The following SLC4A7 variants were observed in gnomAD, a reference collection of about 807,000 sequenced individuals.
SLC4A7 encodes the protein sodium bicarbonate cotransporter 3.
Under a neutral mutation model 137.6 loss-of-function variants are expected in SLC4A7, and 51 were observed. The ratio of observed to expected loss-of-function variants is 0.37; its 90% CI spans 0.30 to 0.47. SLC4A7 has a LOEUF of 0.47. Ranked by LOEUF, SLC4A7 falls within the 20% of genes least tolerant of loss-of-function variation. The pLI, the probability that SLC4A7 is intolerant of heterozygous loss-of-function variation, is 1.00. For synonymous variants in SLC4A7, 542 were observed against 518.6 expected, an observed-to-expected ratio of 1.05 and a Z score of -0.61; for missense variants, 1,247 against 1,525.4, an observed-to-expected ratio of 0.82 and a Z score of 3.04.
At chr3:27,414,520 A>G (rs558711969) in intron 11 of SLC4A7, among the ~76,000 whole-genome samples, 12 of 152,086 alleles carry the variant, frequency 7.9e-5, no homozygotes, top group African/African-American at 2.7e-4. Context: ...ATGGAAATAC[A>G]TCATAATTTC....
intron 1 of SLC4A7, among the ~76,000 whole-genome samples, chr3:27,453,568 G>A (rs937370626): frequency 2.6e-5 from 4 of 152,192 alleles, no homozygotes; most frequent in Admixed American, 1.3e-4. Context: ...AGCCAAGATC[G>A]TGCCATTGCA....
At position 27,483,743 on chromosome 3, in the gene SLC4A7, T is replaced by C. The variant is rs1411868609; in HGVS notation, c.60+324A>G. Among the ~76,000 whole-genome samples, 8 of 152,070 alleles carry C rather than the reference T, an allele frequency of 5.3e-5. No homozygotes were observed. In the East Asian group the frequency reaches 1.6e-3, roughly 30 times the overall value. Reference sequence around the variant, plus strand: ...GCTAAGAAACAGGGGAGGCGAGCGCTGAGGGAAGGGATGGATGGTCGGGGT... The same window carrying C: ...GCTAAGAAACAGGGGAGGCGAGCGCCGAGGGAAGGGATGGATGGTCGGGGT... On this transcript the variant is annotated intron_variant, in intron 1 of 25. Coordinates refer to ENST00000454389, the MANE Select transcript of SLC4A7 (RefSeq NM_001321103.2).
chr3:27,375,743 A>G lies in SLC4A7; in HGVS notation c.*1021T>C, dbSNP rs1008496643. On this transcript the variant is annotated 3_prime_UTR_variant, in exon 26 of 26. Transcript: ENST00000454389. ...TTTTAAAATAAAATCACAGGTAACAAGCTATTAAATGTAATCTACAAAAGT... is the reference window on the plus strand; with the variant it reads ...TTTTAAAATAAAATCACAGGTAACAGGCTATTAAATGTAATCTACAAAAGT... The G allele has an allele frequency of 3.9e-5, 6 of 152,408 alleles. No homozygotes were observed. The highest frequency in any genetic ancestry group is 1.9e-4 in the East Asian group (1 of 5,204). The allele number at this position is 152,408 out of a possible 1,614,324, so 9.4% of individuals were successfully genotyped here. A position where few individuals can be genotyped will look rare whatever the true frequency, so the allele number is the denominator to read the frequency against.
intron 6 of SLC4A7, 66 bp downstream of exon 6, chr3:27,433,850 G>T: frequency 7.5e-7 from 1 of 1,340,200 alleles, no homozygotes; most frequent in Non-Finnish European, 1.1e-6. Flanking sequence ...AATGTTAATC[G>T]TAACATACTG....
intron 21 of SLC4A7, 70 bp from the exon 22 acceptor site, chr3:27,390,174 C>A: frequency 1.1e-6 from 1 of 894,890 alleles, no homozygotes; most frequent in Admixed American, 2.4e-5. Context: ...AGAATCTATA[C>A]TCAACTTTAG....
chr3:27,430,271 G>A (rs1222480914), intron 7 of SLC4A7, among the ~76,000 whole-genome samples: 1 of 151,620 alleles, frequency 6.6e-6, no homozygotes, highest in East Asian at 1.9e-4. Context: ...TTATTTGTAT[G>A]TGTTCATTCA....
intron 1 of SLC4A7, among the ~76,000 whole-genome samples, chr3:27,475,322 T>C (rs1431586551): frequency 2.7e-5 from 4 of 150,934 alleles, no homozygotes; most frequent in African/African-American, 9.8e-5. Context: ...CACAGTATTC[T>C]ACCTGATCCT....
At position 27,383,083 on chromosome 3, in the gene SLC4A7, A is replaced by G. The variant is rs575402384; in HGVS notation, c.3590+70T>C. The G allele has an allele frequency of 2.7e-5, 24 of 880,122 alleles. No individual in the cohort carries two copies. In the African/African-American group the frequency reaches 3.7e-4, roughly 14 times the overall value. 54.5% of individuals were successfully genotyped at this position (880,122 alleles called of 1,614,324 possible). A position where few individuals can be genotyped will look rare whatever the true frequency, so the allele number is the denominator to read the frequency against. On this transcript the variant is annotated intron_variant, in intron 24 of 25. Transcript: ENST00000454389. ...TAAAATAGAAATCATCACTTTAAAG[A>G]AGCATTATATGACTTATTAATACAT...
intron 2 of SLC4A7, among the ~76,000 whole-genome samples, chr3:27,449,386 T>C (rs950396160): frequency 1.3e-5 from 2 of 149,304 alleles, no homozygotes; most frequent in Non-Finnish European, 3.0e-5. Context: ...ACAATTACTT[T>C]ATAATAAATA....
chr3:27,484,248 C>A lies in SLC4A7; in HGVS notation c.-122G>T. 1 of 799,722 alleles carries A rather than the reference C, an allele frequency of 1.3e-6. No homozygotes were observed. Among genetic ancestry groups the A allele is most frequent in the South Asian group, 5.6e-5 (1 of 17,992 alleles). 49.5% of individuals were successfully genotyped at this position (799,722 alleles called of 1,614,324 possible). A position where few individuals can be genotyped will look rare whatever the true frequency, so the allele number is the denominator to read the frequency against. On this transcript the variant is annotated 5_prime_UTR_variant, in exon 1 of 26. Coordinates refer to ENST00000454389, the MANE Select transcript of SLC4A7 (RefSeq NM_001321103.2). ...GCGCGAGGACAAACGTGGGTGCGTC[C>A]GTGCGCGAGGTGTGCGCGCGTGGGG...
chr3:27,436,297 C>T, intron 5 of SLC4A7, 91 bp downstream of exon 5: 1 of 967,668 alleles, frequency 1.0e-6, no homozygotes, highest in South Asian at 1.8e-5. Context: ...TACTGCACTC[C>T]ACAGAATAGA....
chr3:27,377,792 G>C (rs191355428), intron 25 of SLC4A7, among the ~76,000 whole-genome samples: 14 of 152,272 alleles, frequency 9.2e-5, no homozygotes, highest in African/African-American at 3.1e-4. Flanking sequence ...TCTGGAAAAA[G>C]TTTTCAGAAA....
In SLC4A7 at chr3:27,398,210, C is replaced by T. The variant is rs2052393065; in HGVS notation, c.2571G>A (p.Lys857=). 9 of 1,610,566 alleles carry T rather than the reference C, an allele frequency of 5.6e-6. No individual in the cohort carries two copies. Among genetic ancestry groups the T allele is most frequent in the Non-Finnish European group, 7.6e-6 (9 of 1,178,474 alleles). The part of the protein sequence containing the change: ...LSSFLKQFKT[K]RYFPTKVRST... ...CAGTTACCTTGGTAGGAAAGTAACG[C>T]TTGGTCTTAAATTGCTTGAGGAATG... Residue 857 remains lysine (K), a synonymous_variant, in exon 17 of 26, where the codon AAG becomes AAA. Coordinates refer to ENST00000454389, the MANE Select transcript of SLC4A7 (RefSeq NM_001321103.2).
rs1559762917 is a variant in SLC4A7 at position 27,436,479 on chromosome 3, G to GA, written c.497dup (p.Ser167LeufsTer7). 6.2e-7 allele frequency: 1 copy of GA among 1,613,530 alleles called. No individual in the cohort carries two copies. The highest frequency in any genetic ancestry group is 1.7e-5 in the Admixed American group (1 of 60,020). On this transcript the variant is annotated frameshift_variant, in exon 5 of 26. Transcript: ENST00000454389. LOFTEE classifies it high-confidence loss of function. The stretch of plus-strand genomic sequence containing the variant: ...TTAGTTCAAAAAGACTGTGCAAAGA[G>GA]AGAGTTGCCACATAAGGTTTACTCC...
At chr3:27,469,579 G>A (rs1169282069) in intron 1 of SLC4A7, among the ~76,000 whole-genome samples, 1 of 152,058 alleles carries the variant, frequency 6.6e-6, no homozygotes, top group Non-Finnish European at 1.5e-5. Context: ...AACATGGAGA[G>A]ACCCTGTCTC....
chr3:27,382,479 G>A lies in SLC4A7; in HGVS notation c.3590+674C>T, dbSNP rs543861912. Among the ~76,000 whole-genome samples the A allele has an allele frequency of 2.6e-5, 4 of 152,246 alleles. No individual in the cohort carries two copies. In the East Asian group the frequency reaches 7.7e-4, roughly 29 times the overall value. ...ATGTGTAGAAATAGAAATCAGGTGT[G>A]TACACAAATATAGGTTAATCTTTTA... On this transcript the variant is annotated intron_variant, in intron 24 of 25. Transcript: ENST00000454389.
In SLC4A7 at chr3:27,403,522, C is replaced by A. The variant is rs181696524; in HGVS notation, c.2076-138G>T. ...AATGAATTACAGAATGACAAAATAA[C>A]ATCTAGAAATAACTCTATATCTTTT... is the stretch of plus-strand genomic sequence containing the variant. On this transcript the variant is annotated intron_variant, in intron 14 of 25. Transcript: ENST00000454389. 1.5e-5 allele frequency: 8 copies of A among 525,346 alleles called. No individual in the cohort carries two copies. The Admixed American group carries it at 2.7e-4, about 18-fold the overall frequency. The allele number at this position is 525,346 out of a possible 1,614,324, so 32.5% of individuals were successfully genotyped here. A position where few individuals can be genotyped will look rare whatever the true frequency, so the allele number is the denominator to read the frequency against.
intron 24 of SLC4A7, among the ~76,000 whole-genome samples, chr3:27,382,649 A>G (rs1344679462): frequency 6.6e-6 from 1 of 152,166 alleles, no homozygotes; most frequent in East Asian, 1.9e-4. Context: ...ATCAAATCAC[A>G]TCTTTGAAAA....
At position 27,386,119 on chromosome 3, in the gene SLC4A7, C is replaced by T; in HGVS notation, c.3361-96G>A. On this transcript the variant is annotated intron_variant, in intron 22 of 25. Coordinates refer to ENST00000454389, the MANE Select transcript of SLC4A7 (RefSeq NM_001321103.2). ...TATTTATTAAATCTTATAAAAAATG[C>T]TTCATATAGTTTAAAAATTATTCAC... 5 of 933,358 alleles carry T rather than the reference C, an allele frequency of 5.4e-6. No homozygotes were observed. The South Asian group carries it at 5.7e-5, about 11-fold the overall frequency. 57.8% of individuals were successfully genotyped at this position (933,358 alleles called of 1,614,324 possible).
Sources: gnomAD v4.1 joint callset for allele counts (sites outside exome capture counted in the v4.1 genomes callset) on GRCh38, gnomAD v4.1.1 for gene constraint, MANE v1.5 for transcripts, NCBI Gene and HGNC (gene_info 2026-07-23, HGNC 2026-07-21) for gene names.